Variants in GRIK3 observed in about 807,000 individuals in gnomAD.
The protein encoded by GRIK3 is glutamate receptor ionotropic, kainate 3.
In GRIK3, 29 loss-of-function variants were observed where a neutral mutation model predicts 102.5. The ratio of observed to expected loss-of-function variants is 0.28; its 90% CI spans 0.21 to 0.39. The LOEUF is 0.39. Among genes scored for constraint, GRIK3 ranks in the 10% least tolerant of loss-of-function variants. The pLI is 1.00. For missense variants in GRIK3, 908 were observed against 1,252.4 expected (o/e 0.73, Z 4.15); for synonymous variants, 511 against 504.9 (o/e 1.01, Z -0.16).
intron 1 of GRIK3, among the ~76,000 whole-genome samples, chr1:36,945,353 G>C (rs1382666487): frequency 6.6e-6 from 1 of 152,202 alleles, no homozygotes; most frequent in Non-Finnish European, 1.5e-5. Flanking sequence ...CAGCTAGAGG[G>C]GGCCTGAGCC....
At chr1:36,908,841 C>T (rs1027484167) in intron 1 of GRIK3, among the ~76,000 whole-genome samples, 3 of 151,200 alleles carry the variant, frequency 2.0e-5, no homozygotes, top group Non-Finnish European at 2.9e-5. Context: ...TCCCAGAAGA[C>T]GTGAGCAGGG....
intron 1 of GRIK3, among the ~76,000 whole-genome samples, chr1:36,958,490 TG>T (rs1641953836): frequency 1.4e-5 from 2 of 143,784 alleles, no homozygotes; most frequent in South Asian, 4.7e-4. Flanking sequence ...GTGTGCTCTG[TG>T]AGTCTGTGCT....
intron 1 of GRIK3, among the ~76,000 whole-genome samples, chr1:36,994,211 C>T (rs990922165): frequency 9.9e-5 from 15 of 152,208 alleles, no homozygotes; most frequent in Admixed American, 2.0e-4. Flanking sequence ...TATGTTACCT[C>T]ACCTCTCTGA....
In GRIK3 at chr1:36,914,074, G is replaced by A. The variant is rs1172392331; in HGVS notation, c.116-22978C>T. On this transcript the variant is annotated intron_variant, in intron 1 of 15. Coordinates refer to ENST00000373091, the MANE Select transcript of GRIK3 (RefSeq NM_000831.4). ...TTGTTTACCAGGGAGGTCCCACACT[G>A]CAGCCCCACGGTGCCGGGGCAGGTG... Among the ~76,000 whole-genome samples, 4 of 152,200 alleles carry A rather than the reference G, an allele frequency of 2.6e-5. No individual in the cohort carries two copies. In the East Asian group the frequency reaches 7.7e-4, roughly 29 times the overall value.
At chr1:37,029,293 G>A (rs1363712036) in intron 1 of GRIK3, among the ~76,000 whole-genome samples, 1 of 152,232 alleles carries the variant, frequency 6.6e-6, no homozygotes, top group African/African-American at 2.4e-5. Context: ...CCTGCTGGGT[G>A]CTAGCCTCAA....
At chr1:37,009,818 A>G (rs1642570437) in intron 1 of GRIK3, among the ~76,000 whole-genome samples, 1 of 152,090 alleles carries the variant, frequency 6.6e-6, no homozygotes, top group African/African-American at 2.4e-5. Flanking sequence ...CAATCGTGGT[A>G]ATGAGGAAAA....
chr1:36,833,771 A>G, intron 10 of GRIK3, among the ~76,000 whole-genome samples: 1 of 152,214 alleles, frequency 6.6e-6, no homozygotes, highest in East Asian at 1.9e-4. Context: ...TCATAGTGCC[A>G]TGGCCATAAC....
At chr1:36,885,450 A>G (rs904019658) in intron 2 of GRIK3, among the ~76,000 whole-genome samples, 1 of 152,126 alleles carries the variant, frequency 6.6e-6, no homozygotes, top group African/African-American at 2.4e-5. Context: ...TTGCTGGTGA[A>G]AACAGTAATT....
At chr1:36,868,128 G>A (rs1011600597) in intron 5 of GRIK3, among the ~76,000 whole-genome samples, 1 of 152,136 alleles carries the variant, frequency 6.6e-6, no homozygotes, top group African/African-American at 2.4e-5. Flanking sequence ...GATGGGATGG[G>A]GAGGGCTGCC....
rs1642691709 is a variant in GRIK3 at position 37,019,777 on chromosome 1, C to A, written c.115+14217G>T. Among the ~76,000 whole-genome samples the A allele has an allele frequency of 3.9e-5, 6 of 152,310 alleles. No individual in the cohort carries two copies. In the South Asian group the frequency reaches 1.2e-3, roughly 32 times the overall value. On this transcript the variant is annotated intron_variant, in intron 1 of 15. Transcript: ENST00000373091. ...ATAAAAATAACCACAATTTCCAAAG[C>A]AGATTTTTCTGATTCTGCGAATCCC...
At chr1:36,865,870 G>A (rs558034248) in intron 5 of GRIK3, among the ~76,000 whole-genome samples, 1 of 152,270 alleles carries the variant, frequency 6.6e-6, no homozygotes, top group Non-Finnish European at 1.5e-5. Context: ...GAAAGTCAGA[G>A]GGCTTTCTTC....
intron 1 of GRIK3, among the ~76,000 whole-genome samples, chr1:36,920,849 C>T (rs1400959652): frequency 6.6e-6 from 1 of 152,252 alleles, no homozygotes; most frequent in Non-Finnish European, 1.5e-5. Context: ...GGCTCCATTT[C>T]TCTCTGGGAC....
intron 13 of GRIK3, among the ~76,000 whole-genome samples, chr1:36,816,221 G>A (rs991896867): frequency 2.1e-4 from 32 of 152,308 alleles, no homozygotes; most frequent in African/African-American, 7.5e-4. Flanking sequence ...GTTTCCACAC[G>A]TGTAAAGTAG....
chr1:36,863,294 G>T (rs1323669468), intron 5 of GRIK3, among the ~76,000 whole-genome samples: 1 of 151,892 alleles, frequency 6.6e-6, no homozygotes. Context: ...CATGCCCACT[G>T]CCAGGGCAGT....
At chr1:36,972,867 G>A (rs1642158949) in intron 1 of GRIK3, among the ~76,000 whole-genome samples, 2 of 152,172 alleles carry the variant, frequency 1.3e-5, no homozygotes, top group Admixed American at 1.3e-4. Context: ...CCAAAGGATG[G>A]GGCAGAACAT....
rs111994132 is a variant in GRIK3, at chr1:37,009,895, G to C, written c.115+24099C>G. 6.3e-3 allele frequency among the ~76,000 whole-genome samples: 962 copies of C among 152,226 alleles called. 13 individuals carry two copies. The highest frequency in any genetic ancestry group is 0.022 in the African/African-American group (922 of 41,540). On this transcript the variant is annotated intron_variant, in intron 1 of 15. Coordinates refer to ENST00000373091, the MANE Select transcript of GRIK3 (RefSeq NM_000831.4). ...GAGGAAGCAGGGGTGGGGACTGTTG[G>C]GGGGAGCTTGGAGGGGGTGGCCTAT...
intron 1 of GRIK3, among the ~76,000 whole-genome samples, chr1:36,976,941 C>T (rs1297021447): frequency 6.6e-6 from 1 of 152,146 alleles, no homozygotes; most frequent in Non-Finnish European, 1.5e-5. Context: ...CTGTCCTGAC[C>T]CAGCATCTGG....
Position 36,951,963 on chromosome 1 carries a change from G to A in GRIK3, c.116-60867C>T, listed in dbSNP as rs987036646. Among the ~76,000 whole-genome samples, 3 of 152,142 alleles carry A rather than the reference G, an allele frequency of 2.0e-5. No homozygotes were observed. In the East Asian group the frequency reaches 5.8e-4, roughly 29 times the overall value. On this transcript the variant is annotated intron_variant, in intron 1 of 15. Coordinates refer to ENST00000373091, the MANE Select transcript of GRIK3 (RefSeq NM_000831.4). The stretch of plus-strand genomic sequence containing the variant: ...GCCTCTGCCAGGTGGGTTCTGTCTT[G>A]TGGGGAGGAGCATCGAAGGGAAATG...
intron 1 of GRIK3, among the ~76,000 whole-genome samples, chr1:36,905,319 A>G (rs1369736327): frequency 6.6e-6 from 1 of 152,184 alleles, no homozygotes; most frequent in Non-Finnish European, 1.5e-5. Flanking sequence ...CCTCAGATTA[A>G]TTTATAAATT....
Sources: allele counts gnomAD v4.1 joint callset (sites outside exome capture counted in the v4.1 genomes callset), GRCh38; gene constraint gnomAD v4.1.1; transcripts MANE v1.5; gene names NCBI Gene and HGNC (gene_info 2026-07-23, HGNC 2026-07-21).